Variants in SFMBT2 observed in about 807,000 individuals in gnomAD.
SFMBT2 encodes the protein scm-like with four MBT domains protein 2.
In SFMBT2, 38 loss-of-function variants were observed where a neutral mutation model predicts 110.1. The observed-to-expected ratio is 0.35, with a 90% CI of 0.27 to 0.45. The LOEUF (loss-of-function observed/expected upper bound fraction) is 0.45. SFMBT2 is among the 20% of genes least tolerant of loss of function. SFMBT2 has a pLI of 1.00. For synonymous variants in SFMBT2, 425 were observed against 425.4 expected (o/e 1.00, Z 0.01); for missense variants, 1,011 against 1,094.9 (o/e 0.92, Z 1.08).
chr10:7,308,347 G>A (rs1158672776), intron 4 of SFMBT2, among the ~76,000 whole-genome samples: 1 of 152,004 alleles, frequency 6.6e-6, no homozygotes, highest in Admixed American at 6.6e-5. Flanking sequence ...GATGGAGAGA[G>A]AGACCCCATC....
At chr10:7,336,695 C>T (rs746989491) in intron 4 of SFMBT2, among the ~76,000 whole-genome samples, 2 of 151,896 alleles carry the variant, frequency 1.3e-5, no homozygotes, top group Admixed American at 6.6e-5. Context: ...CAGAGAGATC[C>T]GGATAGTGAA....
intron 7 of SFMBT2, among the ~76,000 whole-genome samples, chr10:7,256,235 A>G (rs908798231): frequency 3.3e-5 from 5 of 152,206 alleles, no homozygotes; most frequent in African/African-American, 9.7e-5. Flanking sequence ...TCTAGCCACC[A>G]GGTTATATAA....
chr10:7,405,996 G>A (rs993494314), intron 1 of SFMBT2, among the ~76,000 whole-genome samples: 5 of 151,340 alleles, frequency 3.3e-5, no homozygotes, highest in African/African-American at 4.9e-5. Context: ...TTGCTGCTGA[G>A]GCAACATAGA....
intron 7 of SFMBT2, among the ~76,000 whole-genome samples, chr10:7,271,907 T>G (rs1841599166): frequency 6.6e-6 from 1 of 152,152 alleles, no homozygotes; most frequent in African/African-American, 2.4e-5. Flanking sequence ...CCCACCCCCA[T>G]GATTCAGTTA....
intron 4 of SFMBT2, among the ~76,000 whole-genome samples, chr10:7,364,846 G>A (rs974434663): frequency 2.0e-5 from 3 of 152,242 alleles, no homozygotes; most frequent in Admixed American, 6.5e-5. Context: ...TGTGGCACCT[G>A]CGTGCAGAGT....
At chr10:7,200,362 TC>T in intron 14 of SFMBT2, 51 bp downstream of exon 14, 1 of 1,406,918 alleles carries the variant, frequency 7.1e-7, no homozygotes, top group Non-Finnish European at 9.6e-7. Flanking sequence ...ATGTCTCTGC[TC>T]CCGGCTGCAC....
At chr10:7,383,354 C>T (rs571933315) in intron 1 of SFMBT2, among the ~76,000 whole-genome samples, 1 of 152,126 alleles carries the variant, frequency 6.6e-6, no homozygotes, top group East Asian at 1.9e-4. Context: ...AAACAAAAAA[C>T]AGGAGGTTCA....
At chr10:7,346,117 G>C (rs1844099596) in intron 4 of SFMBT2, among the ~76,000 whole-genome samples, 1 of 152,154 alleles carries the variant, frequency 6.6e-6, no homozygotes, top group Non-Finnish European at 1.5e-5. Flanking sequence ...GAAGCTACTG[G>C]CCTAATTTTG....
intron 4 of SFMBT2, among the ~76,000 whole-genome samples, chr10:7,310,742 G>C (rs994103921): frequency 6.6e-6 from 1 of 152,116 alleles, no homozygotes; most frequent in Non-Finnish European, 1.5e-5. Flanking sequence ...AAAAGGCTTC[G>C]TGTGCAAAAA....
intron 1 of SFMBT2, among the ~76,000 whole-genome samples, chr10:7,393,016 T>A (rs1395202640): frequency 2.5e-5 from 2 of 80,218 alleles, no homozygotes; most frequent in Non-Finnish European, 4.6e-5. Context: ...TATATATATA[T>A]ATATATATAT....
chr10:7,329,205 G>A (rs927486156), intron 4 of SFMBT2, among the ~76,000 whole-genome samples: 14 of 152,262 alleles, frequency 9.2e-5, no homozygotes, highest in Middle Eastern at 3.4e-3. Flanking sequence ...AAATGACAGC[G>A]GACAGATGGA....
chr10:7,194,642 G>A (rs1366429511), intron 15 of SFMBT2, among the ~76,000 whole-genome samples: 2 of 152,214 alleles, frequency 1.3e-5, no homozygotes, highest in Non-Finnish European at 2.9e-5. Flanking sequence ...TACTGAAAGA[G>A]GAGCATTAGC....
At chr10:7,283,392 T>G (rs1475742640) in intron 6 of SFMBT2, among the ~76,000 whole-genome samples, 1 of 152,162 alleles carries the variant, frequency 6.6e-6, no homozygotes, top group East Asian at 1.9e-4. Flanking sequence ...GATTGTGGTT[T>G]GGATATTTAG....
At chr10:7,344,948 G>A (rs1844058015) in intron 4 of SFMBT2, among the ~76,000 whole-genome samples, 1 of 117,816 alleles carries the variant, frequency 8.5e-6, no homozygotes, top group Non-Finnish European at 1.6e-5. Flanking sequence ...GACAGAGCGA[G>A]ACTCTGTCTC....
At chr10:7,380,664 T>A (rs1030816999) in intron 2 of SFMBT2, among the ~76,000 whole-genome samples, 1 of 151,932 alleles carries the variant, frequency 6.6e-6, no homozygotes, top group Admixed American at 6.6e-5. Flanking sequence ...CTTTTTTTTT[T>A]AAAGGTATCC....
chr10:7,203,171 T>C, intron 12 of SFMBT2: 6 of 929,384 alleles, frequency 6.5e-6, no homozygotes, highest in Non-Finnish European at 7.7e-6. Flanking sequence ...AAGCATAAAT[T>C]AATTCCAACA....
At chr10:7,202,176 G>A (rs551277089) in intron 13 of SFMBT2, 2 of 243,436 alleles carry the variant, frequency 8.2e-6, no homozygotes, top group East Asian at 1.8e-4. Context: ...TGCAGACGCT[G>A]AGAACTATAG....
chr10:7,189,550 G>A (rs574312158), intron 15 of SFMBT2, among the ~76,000 whole-genome samples: 2 of 152,344 alleles, frequency 1.3e-5, no homozygotes, highest in South Asian at 4.1e-4. Context: ...ACATTGATGA[G>A]TTCTGGCACA....
chr10:7,344,051 T>C (rs1844020752), intron 4 of SFMBT2, among the ~76,000 whole-genome samples: 1 of 152,222 alleles, frequency 6.6e-6, no homozygotes, highest in Non-Finnish European at 1.5e-5. Context: ...AAGCTATAAT[T>C]TGACTGAAGT....
Sources: gnomAD v4.1 joint callset for allele counts (sites outside exome capture counted in the v4.1 genomes callset) on GRCh38, gnomAD v4.1.1 for gene constraint, MANE v1.5 for transcripts, NCBI Gene and HGNC (gene_info 2026-07-23, HGNC 2026-07-21) for gene names.